RIT2: variants seen among roughly 807,000 people sequenced by gnomAD.
RIT2 encodes Ras like without CAAX 2.
A neutral mutation model predicts 23.7 loss-of-function variants in RIT2; 24 were observed. The ratio of observed to expected loss-of-function variants is 1.01; its 90% CI spans 0.73 to 1.43. The LOEUF (loss-of-function observed/expected upper bound fraction) is 1.43, where lower values mean the gene tolerates loss of function less well. RIT2 is among the 40% of genes most tolerant of loss of function. RIT2 has a pLI of 0.00. For synonymous variants in RIT2, 107 were observed against 91.1 expected, an observed-to-expected ratio of 1.17 and a Z score of -0.99; for missense variants, 236 against 266.9, an observed-to-expected ratio of 0.88 and a Z score of 0.81.
chr18:42,780,874 G>A (rs1218117191), intron 4 of RIT2, among the ~76,000 whole-genome samples: 1 of 151,054 alleles, frequency 6.6e-6, no homozygotes, highest in Admixed American at 6.6e-5. Context: ...AGTCTGTTGC[G>A]GGGGGCTTAG....
chr18:43,015,173 A>C (rs1408552109), intron 2 of RIT2, among the ~76,000 whole-genome samples: 1 of 151,754 alleles, frequency 6.6e-6, no homozygotes, highest in East Asian at 1.9e-4. Context: ...ACTGTGTAAT[A>C]AAATATTGAG....
At chr18:42,943,424 G>A (rs1196698155) in intron 3 of RIT2, among the ~76,000 whole-genome samples, 1 of 152,010 alleles carries the variant, frequency 6.6e-6, no homozygotes, top group African/African-American at 2.4e-5. Context: ...GACCCAGGAA[G>A]TCCCGCTGAC....
chr18:42,800,678 C>T (rs926219572), intron 4 of RIT2, among the ~76,000 whole-genome samples: 4 of 151,904 alleles, frequency 2.6e-5, no homozygotes, highest in African/African-American at 4.8e-5. Context: ...TACAGGCACC[C>T]GCCCCCACGC....
At chr18:42,930,003 T>C (rs541168410) in intron 3 of RIT2, among the ~76,000 whole-genome samples, 57 of 152,154 alleles carry the variant, frequency 3.7e-4, no homozygotes, top group Non-Finnish European at 6.9e-4. Context: ...ACGGAGAGTA[T>C]AGGGTGACAG....
At chr18:42,890,459 C>T (rs1240209278) in intron 4 of RIT2, among the ~76,000 whole-genome samples, 1 of 149,228 alleles carries the variant, frequency 6.7e-6, no homozygotes, top group South Asian at 2.1e-4. Flanking sequence ...TCTTTAAATG[C>T]CACAGAAGGA....
chr18:43,069,382 G>A (rs1301154803), intron 1 of RIT2, among the ~76,000 whole-genome samples: 2 of 152,028 alleles, frequency 1.3e-5, no homozygotes, highest in African/African-American at 2.4e-5. Flanking sequence ...TCTTTCTTGC[G>A]TGAGATCCAA....
At chr18:42,989,720 C>T (rs955127229) in intron 2 of RIT2, among the ~76,000 whole-genome samples, 2 of 152,060 alleles carry the variant, frequency 1.3e-5, no homozygotes, top group African/African-American at 4.8e-5. Flanking sequence ...GCTGCAAAAC[C>T]GTAGATCTCT....
intron 2 of RIT2, among the ~76,000 whole-genome samples, chr18:43,015,241 T>C (rs1292249568): frequency 1.3e-5 from 2 of 151,632 alleles, no homozygotes; most frequent in Non-Finnish European, 3.0e-5. Context: ...ATAGAATCAA[T>C]AGCTCAATGA....
chr18:42,975,820 G>T (rs1330849483), intron 2 of RIT2, among the ~76,000 whole-genome samples: 1 of 152,006 alleles, frequency 6.6e-6, no homozygotes, highest in Non-Finnish European at 1.5e-5. Flanking sequence ...TGCTACGGGG[G>T]AATATGAGTG....
intron 1 of RIT2, among the ~76,000 whole-genome samples, chr18:43,047,055 T>C (rs1912265956): frequency 6.6e-6 from 1 of 152,162 alleles, no homozygotes; most frequent in Non-Finnish European, 1.5e-5. Flanking sequence ...AATTAATAAG[T>C]ATTTCAAAAG....
At chr18:42,834,477 C>T (rs1330430160) in intron 4 of RIT2, among the ~76,000 whole-genome samples, 2 of 152,082 alleles carry the variant, frequency 1.3e-5, no homozygotes, top group African/African-American at 4.8e-5. Context: ...ATATTTGAAA[C>T]TCCATTATTT....
At chr18:42,808,621 C>T (rs1225502077) in intron 4 of RIT2, among the ~76,000 whole-genome samples, 1 of 151,696 alleles carries the variant, frequency 6.6e-6, no homozygotes, top group African/African-American at 2.4e-5. Context: ...ATAGTTAACA[C>T]ATTATCAGTT....
intron 4 of RIT2, among the ~76,000 whole-genome samples, chr18:42,915,648 T>C (rs1188014292): frequency 6.6e-6 from 1 of 151,974 alleles, no homozygotes; most frequent in Non-Finnish European, 1.5e-5. Flanking sequence ...AAACACAAGC[T>C]CTGTTCCAAA....
chr18:43,101,836 AG>A (rs1913691777), intron 1 of RIT2, among the ~76,000 whole-genome samples: 1 of 152,230 alleles, frequency 6.6e-6, no homozygotes. Flanking sequence ...GTGGCTCTAA[AG>A]AAAGTGTGAA....
intron 3 of RIT2, among the ~76,000 whole-genome samples, chr18:42,967,770 T>G (rs1355395110): frequency 6.6e-6 from 1 of 150,656 alleles, no homozygotes; most frequent in African/African-American, 2.5e-5. Flanking sequence ...ATTGATAGTT[T>G]AATGGTGTTA....
chr18:42,971,693 TG>T (rs1598734531), intron 3 of RIT2, among the ~76,000 whole-genome samples: 1 of 152,054 alleles, frequency 6.6e-6, no homozygotes, highest in African/African-American at 2.4e-5. Context: ...GTGGGTAGAC[TG>T]GGCTTTCTTT....
chr18:43,036,355 C>T (rs1264080594), intron 1 of RIT2, among the ~76,000 whole-genome samples: 4 of 152,164 alleles, frequency 2.6e-5, no homozygotes, highest in Non-Finnish European at 5.9e-5. Context: ...GCCTGGCCAA[C>T]ATGGCGAAAT....
chr18:42,771,353 T>A (rs1386352681), intron 4 of RIT2, among the ~76,000 whole-genome samples: 7 of 152,174 alleles, frequency 4.6e-5, no homozygotes. Flanking sequence ...TGTTTTTATA[T>A]TGACATATTT....
intron 2 of RIT2, among the ~76,000 whole-genome samples, chr18:43,005,928 G>A (rs1024367198): frequency 6.6e-6 from 1 of 151,658 alleles, no homozygotes; most frequent in African/African-American, 2.4e-5. Context: ...TAGCCAGAGA[G>A]GGCAAGAAAT....
Sources: gnomAD v4.1 joint callset for allele counts (sites outside exome capture counted in the v4.1 genomes callset) on GRCh38, gnomAD v4.1.1 for gene constraint, MANE v1.5 for transcripts, NCBI Gene and HGNC (gene_info 2026-07-23, HGNC 2026-07-21) for gene names.